SUMF1: variants seen among roughly 807,000 people sequenced by gnomAD.
SUMF1 encodes the protein formylglycine-generating enzyme.
A neutral mutation model predicts 47.6 loss-of-function variants in SUMF1; 48 were observed. That is an observed-to-expected ratio of 1.01 (90% CI 0.80 to 1.28). SUMF1 has a LOEUF of 1.28. SUMF1 is among the 50% of genes most tolerant of loss of function. The pLI, the probability that SUMF1 is intolerant of heterozygous loss-of-function variation, is 0.00. For missense variants in SUMF1, 571 were observed against 485.4 expected, an observed-to-expected ratio of 1.18 and a Z score of -1.66; for synonymous variants, 230 against 192.1, an observed-to-expected ratio of 1.20 and a Z score of -1.63.
At chr3:4,322,502 C>T (rs1334037640) in intron 8 of SUMF1, among the ~76,000 whole-genome samples, 1 of 151,642 alleles carries the variant, frequency 6.6e-6, no homozygotes, top group South Asian at 2.1e-4. Flanking sequence ...GAAAATGTGC[C>T]AATGCCAGAA....
chr3:4,283,157 C>T (rs1697562345), intron 8 of SUMF1, among the ~76,000 whole-genome samples: 1 of 152,168 alleles, frequency 6.6e-6, no homozygotes, highest in African/African-American at 2.4e-5. Flanking sequence ...TGCAAACCTG[C>T]TACAAGTTTG....
chr3:4,270,531 C>G (rs985170259), intron 8 of SUMF1, among the ~76,000 whole-genome samples: 1 of 152,018 alleles, frequency 6.6e-6, no homozygotes, highest in African/African-American at 2.4e-5. Context: ...ATTACAACTC[C>G]TAATTCTTAA....
chr3:4,277,692 G>T (rs1697447248), intron 8 of SUMF1, among the ~76,000 whole-genome samples: 1 of 152,070 alleles, frequency 6.6e-6, no homozygotes, highest in Non-Finnish European at 1.5e-5. Flanking sequence ...TCCATTTCTG[G>T]ATTACACTTT....
chr3:4,058,753 G>C (rs1391867351), intron 9 of SUMF1, among the ~76,000 whole-genome samples: 1 of 152,154 alleles, frequency 6.6e-6, no homozygotes, highest in African/African-American at 2.4e-5. Flanking sequence ...CATTCTGGGA[G>C]AAGAAAAGTT....
intron 8 of SUMF1, among the ~76,000 whole-genome samples, chr3:4,108,176 G>C (rs144209082): frequency 0.034 from 5,177 of 152,068 alleles, 328 homozygotes; most frequent in African/African-American, 0.12. Context: ...CCTTCATTTC[G>C]TTATGTACCC....
At chr3:4,462,976 TGAATACAGCAAAA>T (rs2079852903) in intron 1 of SUMF1, among the ~76,000 whole-genome samples, 1 of 152,240 alleles carries the variant, frequency 6.6e-6, no homozygotes, top group Admixed American at 6.5e-5. Context: ...CTTAGGAGGA[TGAATACAGCAAAA>T]GAATACTTTA....
At chr3:4,081,187 C>T (rs1483734505) in intron 8 of SUMF1, among the ~76,000 whole-genome samples, 4 of 152,086 alleles carry the variant, frequency 2.6e-5, no homozygotes, top group African/African-American at 9.7e-5. Context: ...CCTAAAGTAA[C>T]GTTCACTGAG....
chr3:4,108,640 G>T (rs1332892145), intron 8 of SUMF1, among the ~76,000 whole-genome samples: 1 of 152,068 alleles, frequency 6.6e-6, no homozygotes, highest in Non-Finnish European at 1.5e-5. Flanking sequence ...AGGATAGTTA[G>T]CTCTTCTTGT....
At chr3:4,165,871 C>CT (rs936047948) in intron 8 of SUMF1, among the ~76,000 whole-genome samples, 2 of 146,892 alleles carry the variant, frequency 1.4e-5, no homozygotes, top group Non-Finnish European at 3.0e-5. Context: ...TTCCCCCCCC[C>CT]CCCCGAGCAA....
chr3:4,044,563 G>C (rs781589146), intron 9 of SUMF1, among the ~76,000 whole-genome samples: 8 of 152,198 alleles, frequency 5.3e-5, no homozygotes, highest in Non-Finnish European at 8.8e-5. Flanking sequence ...CTCAATTAAA[G>C]AAAGATGAAA....
chr3:4,457,235 C>G (rs947571406), intron 1 of SUMF1, among the ~76,000 whole-genome samples: 1 of 151,708 alleles, frequency 6.6e-6, no homozygotes, highest in Non-Finnish European at 1.5e-5. Context: ...AGTTACCACA[C>G]CCAGCCAGCA....
At chr3:4,148,311 A>G (rs1694241925) in intron 8 of SUMF1, among the ~76,000 whole-genome samples, 1 of 152,138 alleles carries the variant, frequency 6.6e-6, no homozygotes, top group African/African-American at 2.4e-5. Flanking sequence ...GGCAGTTTTC[A>G]TATAGTTACA....
intron 8 of SUMF1, among the ~76,000 whole-genome samples, chr3:4,258,852 T>C (rs1281160497): frequency 7.3e-6 from 1 of 136,708 alleles, no homozygotes; most frequent in East Asian, 2.0e-4. Flanking sequence ...AGCAAAGACT[T>C]GGAACCAACC....
intron 8 of SUMF1, among the ~76,000 whole-genome samples, chr3:4,308,776 C>T (rs1698291122): frequency 6.6e-6 from 1 of 152,236 alleles, no homozygotes; most frequent in East Asian, 1.9e-4. Flanking sequence ...TCTAGTCTAA[C>T]CTCCTAATTG....
At chr3:4,129,576 C>T (rs1693735848) in intron 8 of SUMF1, among the ~76,000 whole-genome samples, 1 of 152,114 alleles carries the variant, frequency 6.6e-6, no homozygotes, top group Admixed American at 6.6e-5. Flanking sequence ...GCCGGGTTCT[C>T]TTAAGGAAGG....
intron 8 of SUMF1, among the ~76,000 whole-genome samples, chr3:4,307,931 C>A (rs1008256451): frequency 6.6e-6 from 1 of 152,038 alleles, no homozygotes; most frequent in African/African-American, 2.4e-5. Context: ...TGCCTGTAGT[C>A]CCACCTACTT....
intron 7 of SUMF1, among the ~76,000 whole-genome samples, chr3:4,399,629 C>A (rs1293135130): frequency 6.6e-6 from 1 of 152,208 alleles, no homozygotes; most frequent in South Asian, 2.1e-4. Context: ...CAAGAAAAAA[C>A]AATCTGTCCA....
At chr3:4,364,534 G>T (rs1699882233) in intron 8 of SUMF1, among the ~76,000 whole-genome samples, 2 of 150,742 alleles carry the variant, frequency 1.3e-5, no homozygotes, top group African/African-American at 4.9e-5. Context: ...AGTATTCTCT[G>T]ATGGTAGTTT....
chr3:4,144,201 T>C (rs1043580187), intron 8 of SUMF1, among the ~76,000 whole-genome samples: 3 of 151,910 alleles, frequency 2.0e-5, no homozygotes, highest in Non-Finnish European at 4.4e-5. Flanking sequence ...TCCTGGGCTC[T>C]AGCAACGCTC....
Sources: allele counts gnomAD v4.1 joint callset (sites outside exome capture counted in the v4.1 genomes callset), GRCh38; gene constraint gnomAD v4.1.1; transcripts MANE v1.5; gene names NCBI Gene and HGNC (gene_info 2026-07-23, HGNC 2026-07-21).